Variants in SYT9 observed in about 807,000 individuals in gnomAD.
SYT9 encodes the protein synaptotagmin-9.
In SYT9, 22 loss-of-function variants were observed where a neutral mutation model predicts 48.4. The observed-to-expected ratio is 0.45, with a 90% CI of 0.32 to 0.65. The LOEUF (loss-of-function observed/expected upper bound fraction) is 0.65, where lower values mean the gene tolerates loss of function less well. SYT9 is among the 30% of genes least tolerant of loss of function. SYT9 has a pLI of 0.03. For missense variants in SYT9, 577 were observed against 622.0 expected (o/e 0.93, Z 0.77); for synonymous variants, 265 against 245.0 (o/e 1.08, Z -0.76).
At chr11:7,370,076 A>G (rs746079592) in intron 3 of SYT9, among the ~76,000 whole-genome samples, 1 of 151,882 alleles carries the variant, frequency 6.6e-6, no homozygotes, top group Non-Finnish European at 1.5e-5. Flanking sequence ...CAAGTCCCCA[A>G]AGTCCGTTGT....
Position 7,336,219 on chromosome 11 carries a change from C to T in SYT9, c.1044+22278C>T, listed in dbSNP as rs575656054. ...TTTCTCTTGAAAATTTGTTTACATT[C>T]CTTATAAATGCTGGATATTAGACCT... On this transcript the variant is annotated intron_variant, in intron 3 of 6. Transcript: ENST00000318881. 5.3e-5 allele frequency among the ~76,000 whole-genome samples: 8 copies of T among 152,150 alleles called. No homozygotes were observed. The South Asian group carries it at 1.7e-3, about 32-fold the overall frequency.
At chr11:7,311,114 C>T (rs1589934915) in intron 2 of SYT9, among the ~76,000 whole-genome samples, 1 of 152,110 alleles carries the variant, frequency 6.6e-6, no homozygotes, top group African/African-American at 2.4e-5. Context: ...ACCAGCCTGA[C>T]CAACATGGAG....
At chr11:7,345,545 A>C (rs995490575) in intron 3 of SYT9, among the ~76,000 whole-genome samples, 1 of 152,244 alleles carries the variant, frequency 6.6e-6, no homozygotes, top group African/African-American at 2.4e-5. Flanking sequence ...AGCAAACTCC[A>C]GATGTTGGTA....
At chr11:7,327,977 A>G (rs1849461619) in intron 3 of SYT9, among the ~76,000 whole-genome samples, 1 of 121,332 alleles carries the variant, frequency 8.2e-6, no homozygotes, top group Non-Finnish European at 1.7e-5. Context: ...ATGCTAGATG[A>G]CGAGTTAGTG....
At chr11:7,328,289 A>G (rs1427797182) in intron 3 of SYT9, among the ~76,000 whole-genome samples, 1 of 152,036 alleles carries the variant, frequency 6.6e-6, no homozygotes, top group Non-Finnish European at 1.5e-5. Flanking sequence ...TTGTGATTAT[A>G]AATACATGTG....
intron 2 of SYT9, among the ~76,000 whole-genome samples, chr11:7,309,264 C>T (rs115030733): frequency 6.6e-6 from 1 of 152,150 alleles, no homozygotes; most frequent in African/African-American, 2.4e-5. Flanking sequence ...AGCTTCTCTA[C>T]GACAGCATTA....
upstream of SYT9, among the ~76,000 whole-genome samples, chr11:7,251,135 C>CT (rs1847860579): frequency 6.6e-6 from 1 of 150,934 alleles, no homozygotes; most frequent in Admixed American, 6.6e-5. Context: ...CACACACACC[C>CT]AGAGTACTTC....
intron 3 of SYT9, among the ~76,000 whole-genome samples, chr11:7,329,407 C>T (rs957077834): frequency 6.6e-6 from 1 of 152,152 alleles, no homozygotes; most frequent in African/African-American, 2.4e-5. Flanking sequence ...ATTATTTGAT[C>T]CATTTTCATA....
intron 6 of SYT9, among the ~76,000 whole-genome samples, chr11:7,454,969 G>A (rs1848121659): frequency 6.6e-6 from 1 of 152,196 alleles, no homozygotes; most frequent in African/African-American, 2.4e-5. Flanking sequence ...AGTGTATAGA[G>A]GACAGCAGAT....
At chr11:7,332,080 T>G (rs903633796) in intron 3 of SYT9, among the ~76,000 whole-genome samples, 2 of 152,140 alleles carry the variant, frequency 1.3e-5, no homozygotes, top group Admixed American at 1.3e-4. Context: ...TGCAAGTGAC[T>G]TAGTGAAGGA....
chr11:7,357,287 A>G (rs1308036319), intron 3 of SYT9, among the ~76,000 whole-genome samples: 2 of 152,186 alleles, frequency 1.3e-5, no homozygotes, highest in Non-Finnish European at 2.9e-5. Flanking sequence ...TGTAAAAAAG[A>G]CAGTGTCTTG....
At position 7,252,221 on chromosome 11, in the gene SYT9, C is replaced by A; in HGVS notation, c.35C>A (p.Ala12Glu). The A allele has an allele frequency of 6.7e-7, 1 of 1,490,796 alleles. No individual in the cohort carries two copies. Among genetic ancestry groups the A allele is most frequent in the Admixed American group, 2.3e-5 (1 of 42,644 alleles). 92.3% of individuals were successfully genotyped at this position (1,490,796 alleles called of 1,614,324 possible). A position where few individuals can be genotyped will look rare whatever the true frequency, so the allele number is the denominator to read the frequency against. ...PGARDALCHQ[A>E]LQLLAELCAR... ...GCCAGGGACGCGCTCTGTCACCAGGCGCTGCAGCTGCTGGCCGAGCTCTGT... is the reference window on the plus strand; with the variant it reads ...GCCAGGGACGCGCTCTGTCACCAGGAGCTGCAGCTGCTGGCCGAGCTCTGT... The change falls in exon 1 of 7, where the codon GCG (alanine) becomes GAG (glutamate). Residue 12 changes from alanine to glutamate, a missense_variant. Ala to Glu is a moderately radical substitution (Grantham distance 107). Transcript: ENST00000318881. The surrounding 1 kb of genome is among the most constrained non-coding windows in gnomAD (Gnocchi z 6.3).
At chr11:7,315,971 C>T (rs377071719) in intron 3 of SYT9, among the ~76,000 whole-genome samples, 40 of 152,152 alleles carry the variant, frequency 2.6e-4, no homozygotes, top group African/African-American at 8.7e-4. Context: ...TGGATGGCCA[C>T]GGGAGAGGGT....
At chr11:7,465,158 A>G (rs749435035) in intron 6 of SYT9, among the ~76,000 whole-genome samples, 1 of 152,128 alleles carries the variant, frequency 6.6e-6, no homozygotes, top group Non-Finnish European at 1.5e-5. Context: ...TGATATTTGA[A>G]CCACAATATT....
At chr11:7,442,274 C>T (rs921080209) in intron 6 of SYT9, among the ~76,000 whole-genome samples, 7 of 152,176 alleles carry the variant, frequency 4.6e-5, no homozygotes, top group African/African-American at 1.4e-4. Flanking sequence ...TGGTGGGACT[C>T]GAAGAGGGGC....
At chr11:7,336,824 GCTATT>G (rs538338061) in intron 3 of SYT9, among the ~76,000 whole-genome samples, 157 of 152,090 alleles carry the variant, frequency 1.0e-3, no homozygotes, top group Non-Finnish European at 1.8e-3. Context: ...AATTGCCCTG[GCTATT>G]CGAGCTCTTT....
intron 1 of SYT9, among the ~76,000 whole-genome samples, chr11:7,294,964 C>T (rs1306911187): frequency 6.6e-6 from 1 of 152,188 alleles, no homozygotes; most frequent in Non-Finnish European, 1.5e-5. Context: ...TCCTTCGTTC[C>T]TTCTCTTTTC....
At chr11:7,371,262 G>A (rs186133544) in intron 3 of SYT9, among the ~76,000 whole-genome samples, 2 of 151,564 alleles carry the variant, frequency 1.3e-5, no homozygotes, top group East Asian at 3.9e-4. Flanking sequence ...GTCTTGCTCT[G>A]GAATTTACTT....
chr11:7,328,876 A>AG (rs1849481593), intron 3 of SYT9, among the ~76,000 whole-genome samples: 1 of 151,952 alleles, frequency 6.6e-6, no homozygotes, highest in Non-Finnish European at 1.5e-5. Context: ...TGTGTGGATA[A>AG]TTTTTTTTCT....
Sources: gnomAD v4.1 joint callset for allele counts (sites outside exome capture counted in the v4.1 genomes callset) on GRCh38, gnomAD v4.1.1 for gene constraint, Gnocchi (gnomAD v3.1) non-coding constraint, MANE v1.5 for transcripts, NCBI Gene and HGNC (gene_info 2026-07-23, HGNC 2026-07-21) for gene names.